Variants in LRFN5 observed in about 807,000 individuals in gnomAD.
The protein encoded by LRFN5 is leucine-rich repeat and fibronectin type-III domain-containing protein 5.
In LRFN5, 24 loss-of-function variants were observed where a neutral mutation model predicts 45.6. That is an observed-to-expected ratio of 0.53 (90% CI 0.38 to 0.74). The LOEUF (loss-of-function observed/expected upper bound fraction) is 0.74, where lower values mean the gene tolerates loss of function less well. Ranked by LOEUF, LRFN5 falls within the 30% of genes least tolerant of loss-of-function variation. The pLI, the probability that LRFN5 is intolerant of heterozygous loss-of-function variation, is 0.00. For synonymous variants in LRFN5, 340 were observed against 313.8 expected, an observed-to-expected ratio of 1.08 and a Z score of -0.88; for missense variants, 776 against 861.5, an observed-to-expected ratio of 0.90 and a Z score of 1.24.
intron 4 of LRFN5, among the ~76,000 whole-genome samples, chr14:41,896,589 T>C (rs1487173413): frequency 6.6e-6 from 1 of 152,314 alleles, no homozygotes; most frequent in East Asian, 1.9e-4. Context: ...ATTTTTGAAA[T>C]GGCATTCAGA....
chr14:41,785,194 T>C (rs1215220696), intron 2 of LRFN5, among the ~76,000 whole-genome samples: 2 of 152,138 alleles, frequency 1.3e-5, no homozygotes, highest in African/African-American at 4.8e-5. Context: ...TTGTTAGGTC[T>C]TGCTATTTTA....
At chr14:41,886,538 C>A in intron 2 of LRFN5, 68 bp from the exon 3 acceptor site, 3 of 1,001,686 alleles carry the variant, frequency 3.0e-6, no homozygotes, top group South Asian at 1.8e-5. Flanking sequence ...AAATATTATT[C>A]TAGTAGGAAT....
intron 2 of LRFN5, among the ~76,000 whole-genome samples, chr14:41,843,662 C>T (rs192009835): frequency 1.5e-4 from 23 of 152,106 alleles, no homozygotes; most frequent in Middle Eastern, 6.8e-3. Flanking sequence ...GCACCATTTA[C>T]CAAAAAGGCC....
chr14:41,715,835 G>C (rs541093715), intron 1 of LRFN5, among the ~76,000 whole-genome samples: 1 of 152,274 alleles, frequency 6.6e-6, no homozygotes, highest in Non-Finnish European at 1.5e-5. Context: ...CTCCAGTAGG[G>C]ACTCTGTGTG....
At chr14:41,759,053 T>A (rs934149327) in intron 1 of LRFN5, among the ~76,000 whole-genome samples, 1 of 152,100 alleles carries the variant, frequency 6.6e-6, no homozygotes, top group Non-Finnish European at 1.5e-5. Context: ...TACAGGCCAA[T>A]AAGAGATCTA....
intron 1 of LRFN5, among the ~76,000 whole-genome samples, chr14:41,692,210 T>A (rs534799607): frequency 2.2e-4 from 33 of 152,236 alleles, no homozygotes; most frequent in Non-Finnish European, 4.0e-4. Flanking sequence ...AAAGTGTTAT[T>A]TGCTCCACAT....
chr14:41,681,661 A>G (rs1238228349), intron 1 of LRFN5, among the ~76,000 whole-genome samples: 23 of 152,104 alleles, frequency 1.5e-4, no homozygotes, highest in Admixed American at 1.5e-3. Context: ...TCAGACTGAA[A>G]GAAAAGGATG....
At chr14:41,890,178 G>T (rs1890727157) in intron 3 of LRFN5, among the ~76,000 whole-genome samples, 2 of 152,072 alleles carry the variant, frequency 1.3e-5, no homozygotes, top group Admixed American at 1.3e-4. Flanking sequence ...ACTGGAATTA[G>T]GTGATATTAG....
chr14:41,679,621 T>C (rs1594609911), intron 1 of LRFN5, among the ~76,000 whole-genome samples: 2 of 152,118 alleles, frequency 1.3e-5, no homozygotes, highest in African/African-American at 4.8e-5. Flanking sequence ...CAGGTAGTGC[T>C]TGTTACGGCC....
chr14:41,858,544 T>C (rs985687314), intron 2 of LRFN5, among the ~76,000 whole-genome samples: 2 of 152,176 alleles, frequency 1.3e-5, no homozygotes, highest in African/African-American at 4.8e-5. Context: ...TTTTGGGACT[T>C]TTCCTCAGCC....
At chr14:41,888,913 A>G (rs1890674375) in intron 3 of LRFN5, among the ~76,000 whole-genome samples, 1 of 151,764 alleles carries the variant, frequency 6.6e-6, no homozygotes, top group Non-Finnish European at 1.5e-5. Flanking sequence ...GAGGCTTACT[A>G]TGCCCTAGGA....
intron 2 of LRFN5, among the ~76,000 whole-genome samples, chr14:41,871,573 GA>G (rs1890020692): frequency 7.4e-6 from 1 of 135,094 alleles, no homozygotes; most frequent in Non-Finnish European, 1.6e-5. Flanking sequence ...TAGGCAACAA[GA>G]GCAAAAATCT....
chr14:41,814,043 T>TTGAGATTCTGCATATTAGCC (rs1409146717), intron 2 of LRFN5, among the ~76,000 whole-genome samples: 5 of 152,168 alleles, frequency 3.3e-5, no homozygotes, highest in African/African-American at 1.2e-4. Flanking sequence ...TTTAAGTTCC[T>TTGAGATTCTGCATATTAGCC]TGAGATTCTG....
At chr14:41,691,692 C>T (rs889807114) in intron 1 of LRFN5, among the ~76,000 whole-genome samples, 3 of 151,940 alleles carry the variant, frequency 2.0e-5, no homozygotes, top group South Asian at 2.1e-4. Context: ...CTTTATTTAA[C>T]CACCACACTA....
intron 1 of LRFN5, among the ~76,000 whole-genome samples, chr14:41,717,854 AT>A (rs1387353508): frequency 3.3e-5 from 5 of 152,108 alleles, no homozygotes; most frequent in Non-Finnish European, 5.9e-5. Flanking sequence ...CCTCTTATTT[AT>A]TTTAGAAAAG....
chr14:41,838,200 T>G (rs1465768914), intron 2 of LRFN5, among the ~76,000 whole-genome samples: 1 of 152,240 alleles, frequency 6.6e-6, no homozygotes, highest in Admixed American at 6.5e-5. Flanking sequence ...ACATCCATAT[T>G]GGTTCTGACA....
chr14:41,767,430 T>C (rs1414128633), intron 2 of LRFN5, among the ~76,000 whole-genome samples: 1 of 152,146 alleles, frequency 6.6e-6, no homozygotes, highest in African/African-American at 2.4e-5. Context: ...GAATACAATT[T>C]CTCATTTTCT....
intron 1 of LRFN5, among the ~76,000 whole-genome samples, chr14:41,654,421 A>T (rs1158899646): frequency 6.6e-6 from 1 of 152,036 alleles, no homozygotes; most frequent in Admixed American, 6.6e-5. Flanking sequence ...GCATATTTGT[A>T]TGTACATAGT....
At chr14:41,647,496 C>G (rs1306064756) in intron 1 of LRFN5, among the ~76,000 whole-genome samples, 1 of 152,030 alleles carries the variant, frequency 6.6e-6, no homozygotes, top group Non-Finnish European at 1.5e-5. Flanking sequence ...GGGCATGAGG[C>G]TGTTTATGAA....
Sources: allele counts gnomAD v4.1 joint callset (sites outside exome capture counted in the v4.1 genomes callset), GRCh38; gene constraint gnomAD v4.1.1; transcripts MANE v1.5; gene names NCBI Gene and HGNC (gene_info 2026-07-23, HGNC 2026-07-21).